Variants in TUSC3 observed in about 807,000 individuals in gnomAD.
TUSC3 encodes the protein dolichyl-diphosphooligosaccharide--protein glycosyltransferase subunit TUSC3.
A neutral mutation model predicts 44.8 loss-of-function variants in TUSC3; 45 were observed. The ratio of observed to expected loss-of-function variants is 1.00; its 90% CI spans 0.79 to 1.29. The LOEUF (loss-of-function observed/expected upper bound fraction) is 1.29. Ranked by LOEUF, TUSC3 falls within the 50% of genes most tolerant of loss-of-function variation. TUSC3 has a pLI of 0.00. For missense variants in TUSC3, 519 were observed against 437.9 expected, an observed-to-expected ratio of 1.19 and a Z score of -1.65; for synonymous variants, 212 against 152.9, an observed-to-expected ratio of 1.39 and a Z score of -2.85.
intron 7 of TUSC3, among the ~76,000 whole-genome samples, chr8:15,739,005 G>C (rs1403072818): frequency 6.6e-6 from 1 of 151,148 alleles, no homozygotes; most frequent in Non-Finnish European, 1.5e-5. Context: ...GCTAATTTTT[G>C]TATTCTTAAT....
chr8:15,600,197 A>G (rs60738155), intron 1 of TUSC3, among the ~76,000 whole-genome samples: 1,667 of 151,876 alleles, frequency 0.011, 35 homozygotes, highest in African/African-American at 0.039. Flanking sequence ...CATTTTCCAA[A>G]TATGTTTTCT....
the TUSC3 span, among the ~76,000 whole-genome samples, chr8:15,835,321 T>C: frequency 3.3e-5 from 5 of 152,156 alleles, no homozygotes; most frequent in African/African-American, 1.2e-4. Flanking sequence ...TATTTTAGAA[T>C]TTATGCTTTT....
the TUSC3 span, among the ~76,000 whole-genome samples, chr8:15,812,036 A>C: frequency 1.6e-4 from 25 of 152,302 alleles, no homozygotes; most frequent in Non-Finnish European, 2.9e-4. Context: ...TTATTCTCCA[A>C]AGAAATAGGA....
chr8:15,425,692 T>A (rs1799795229), intron 1 of TUSC3, among the ~76,000 whole-genome samples: 1 of 152,176 alleles, frequency 6.6e-6, no homozygotes, highest in Non-Finnish European at 1.5e-5. Context: ...ATTATATTAT[T>A]CTCTACGTTT....
At chr8:15,822,383 G>T in the TUSC3 span, among the ~76,000 whole-genome samples, 1 of 152,096 alleles carries the variant, frequency 6.6e-6, no homozygotes, top group Non-Finnish European at 1.5e-5. Context: ...ACTCCATAAG[G>T]TCCCCTAGGG....
intron 10 of TUSC3, among the ~76,000 whole-genome samples, chr8:15,762,871 A>C (rs564905989): frequency 2.7e-5 from 4 of 148,738 alleles, no homozygotes; most frequent in Non-Finnish European, 4.4e-5. Context: ...CAGCAACTAC[A>C]GCTTAAGGCC....
chr8:15,471,230 G>T (rs545543155), intron 1 of TUSC3, among the ~76,000 whole-genome samples: 16 of 152,160 alleles, frequency 1.1e-4, no homozygotes, highest in Admixed American at 2.6e-4. Flanking sequence ...TTAAATGTCT[G>T]TATAGCTCAT....
intron 6 of TUSC3, among the ~76,000 whole-genome samples, chr8:15,703,470 C>T (rs1809488796): frequency 6.6e-6 from 1 of 152,002 alleles, no homozygotes; most frequent in Admixed American, 6.6e-5. Context: ...TTGAAAATAA[C>T]AGCTTTGGGC....
chr8:15,620,651 C>T (rs978403963), intron 1 of TUSC3, among the ~76,000 whole-genome samples: 1 of 152,150 alleles, frequency 6.6e-6, no homozygotes, highest in Admixed American at 6.5e-5. Flanking sequence ...TTTGAAGGCA[C>T]TTGTAACTTA....
intron 1 of TUSC3, among the ~76,000 whole-genome samples, chr8:15,457,518 T>G (rs1288591392): frequency 6.6e-6 from 1 of 151,210 alleles, no homozygotes. Flanking sequence ...GGATTCACAT[T>G]TATATACTGT....
At chr8:15,487,088 A>G (rs955697593) in intron 2 of TUSC3, among the ~76,000 whole-genome samples, 10 of 152,168 alleles carry the variant, frequency 6.6e-5, no homozygotes, top group African/African-American at 2.2e-4. Context: ...ATAAAATACT[A>G]TCTAGTCATT....
At chr8:15,741,047 T>C (rs1234956252) in intron 7 of TUSC3, among the ~76,000 whole-genome samples, 1 of 152,190 alleles carries the variant, frequency 6.6e-6, no homozygotes, top group African/African-American at 2.4e-5. Context: ...GATATGAAGA[T>C]ACATTTATAG....
At chr8:15,561,619 A>T (rs970623642) in intron 1 of TUSC3, 1 of 154,620 alleles carries the variant, frequency 6.5e-6, no homozygotes, top group Admixed American at 6.6e-5. Context: ...GCCGCCTTGC[A>T]GTTTGATCTC....
chr8:15,804,830 A>G, the TUSC3 span, among the ~76,000 whole-genome samples: 2 of 152,080 alleles, frequency 1.3e-5, no homozygotes, highest in Non-Finnish European at 1.5e-5. Flanking sequence ...TTCTATGTGA[A>G]TTTTGAACTA....
intron 2 of TUSC3, among the ~76,000 whole-genome samples, chr8:15,490,151 G>A (rs1265649952): frequency 6.6e-6 from 1 of 152,086 alleles, no homozygotes; most frequent in Non-Finnish European, 1.5e-5. Flanking sequence ...ATGGATATTG[G>A]AAAAGCTAGA....
chr8:15,644,213 T>C (rs73526681), intron 2 of TUSC3, among the ~76,000 whole-genome samples: 3,616 of 152,294 alleles, frequency 0.024, 144 homozygotes, highest in African/African-American at 0.081. Context: ...GAAGATTTAC[T>C]ATAACACATT....
At chr8:15,537,459 G>A (rs1466108513), upstream of TUSC3, among the ~76,000 whole-genome samples, 1 of 152,174 alleles carries the variant, frequency 6.6e-6, no homozygotes, top group Non-Finnish European at 1.5e-5. Flanking sequence ...GACCTCCTGA[G>A]GCTGTGTCAC....
At chr8:15,587,891 C>T (rs114650494) in intron 1 of TUSC3, among the ~76,000 whole-genome samples, 1 of 152,054 alleles carries the variant, frequency 6.6e-6, no homozygotes. Flanking sequence ...CTTCTAATGA[C>T]AGGATTTCAT....
chr8:15,729,842 G>T (rs1203783490), intron 6 of TUSC3, among the ~76,000 whole-genome samples: 1 of 151,360 alleles, frequency 6.6e-6, no homozygotes, highest in Admixed American at 6.6e-5. Context: ...ATCTGCACAT[G>T]TACCCCCTGA....
Sources: allele counts gnomAD v4.1 joint callset (sites outside exome capture counted in the v4.1 genomes callset), GRCh38; gene constraint gnomAD v4.1.1; transcripts MANE v1.5; gene names NCBI Gene and HGNC (gene_info 2026-07-23, HGNC 2026-07-21).